FBXL7: variants seen among roughly 807,000 people sequenced by gnomAD.
FBXL7 encodes F-box/LRR-repeat protein 7.
In FBXL7, 12 loss-of-function variants were observed where a neutral mutation model predicts 38.3. The observed-to-expected ratio is 0.31, with a 90% CI of 0.20 to 0.51. The LOEUF (loss-of-function observed/expected upper bound fraction) is 0.51. FBXL7 is among the 20% of genes least tolerant of loss of function. The pLI, the probability that FBXL7 is intolerant of heterozygous loss-of-function variation, is 0.98. For missense variants in FBXL7, 567 were observed against 676.4 expected (o/e 0.84, Z 1.79); for synonymous variants, 297 against 300.9 (o/e 0.99, Z 0.13).
intron 2 of FBXL7, among the ~76,000 whole-genome samples, chr5:15,814,524 A>G (rs1737959887): frequency 6.6e-6 from 1 of 152,004 alleles, no homozygotes; most frequent in African/African-American, 2.4e-5. Flanking sequence ...ATGTATACCT[A>G]TGTAATCTGC....
intron 2 of FBXL7, among the ~76,000 whole-genome samples, chr5:15,828,182 C>T (rs776175376): frequency 1.3e-5 from 2 of 152,118 alleles, no homozygotes; most frequent in Non-Finnish European, 2.9e-5. Flanking sequence ...GAATTAAAAA[C>T]ACATCAAACA....
chr5:15,610,469 TC>T (rs1389807513), intron 1 of FBXL7, among the ~76,000 whole-genome samples: 1 of 152,206 alleles, frequency 6.6e-6, no homozygotes, highest in Non-Finnish European at 1.5e-5. Flanking sequence ...TGTAGGCAGT[TC>T]CTTCCTGAGA....
intron 2 of FBXL7, among the ~76,000 whole-genome samples, chr5:15,848,781 C>T (rs528520319): frequency 4.8e-4 from 73 of 152,242 alleles, no homozygotes; most frequent in African/African-American, 1.6e-3. Context: ...TGGCTGAGAG[C>T]CCAAAATTTA....
intron 2 of FBXL7, among the ~76,000 whole-genome samples, chr5:15,906,522 T>C (rs1031485555): frequency 3.3e-5 from 5 of 149,560 alleles, no homozygotes; most frequent in Admixed American, 1.3e-4. Context: ...AATTTTTTTT[T>C]TTTTTTATTA....
chr5:15,706,154 C>T (rs1276939970), intron 2 of FBXL7, among the ~76,000 whole-genome samples: 2 of 152,144 alleles, frequency 1.3e-5, no homozygotes, highest in South Asian at 2.1e-4. Context: ...CTAAATCTTA[C>T]GTTGAATAGT....
intron 2 of FBXL7, among the ~76,000 whole-genome samples, chr5:15,683,693 T>G (rs1380833158): frequency 6.6e-6 from 1 of 152,138 alleles, no homozygotes; most frequent in Non-Finnish European, 1.5e-5. Context: ...GGCCCGGACC[T>G]TAAGAGAGCT....
chr5:15,741,294 A>G (rs1030682314), intron 2 of FBXL7, among the ~76,000 whole-genome samples: 7 of 152,192 alleles, frequency 4.6e-5, no homozygotes, highest in Non-Finnish European at 8.8e-5. Flanking sequence ...AAATATTTCT[A>G]ATTTTAGTAA....
intron 2 of FBXL7, among the ~76,000 whole-genome samples, chr5:15,640,730 G>C (rs1010537845): frequency 1.3e-5 from 2 of 152,084 alleles, no homozygotes; most frequent in African/African-American, 2.4e-5. Context: ...CACCCTTTTG[G>C]CCAGGCTGTT....
intron 3 of FBXL7, among the ~76,000 whole-genome samples, chr5:15,929,389 C>T (rs1440677218): frequency 1.3e-5 from 2 of 152,198 alleles, no homozygotes; most frequent in South Asian, 4.1e-4. Context: ...GAGGCTGAGG[C>T]ATGAGGATTA....
At chr5:15,590,004 C>T (rs1202084484) in intron 1 of FBXL7, among the ~76,000 whole-genome samples, 1 of 152,202 alleles carries the variant, frequency 6.6e-6, no homozygotes, top group Admixed American at 6.5e-5. Flanking sequence ...TTCACCATCC[C>T]ATGTTCCTAC....
chr5:15,580,935 C>G lies in FBXL7; in HGVS notation c.38-35048C>G. ...ACTCTTAGCTAGCCGGGTGACCCAG[C>G]AGAGGCCTCTCTCTAGATCCAGGGA... On this transcript the variant is annotated intron_variant, in intron 1 of 3. Coordinates refer to ENST00000504595, the MANE Select transcript of FBXL7 (RefSeq NM_012304.5). The G allele has an allele frequency of 9.0e-6, 4 of 443,278 alleles. No homozygotes were observed. In the South Asian group the frequency reaches 2.8e-4, roughly 31 times the overall value. 27.5% of individuals were successfully genotyped at this position (443,278 alleles called of 1,614,324 possible).
intron 2 of FBXL7, among the ~76,000 whole-genome samples, chr5:15,899,538 G>T (rs1741184650): frequency 6.6e-6 from 1 of 152,046 alleles, no homozygotes; most frequent in African/African-American, 2.4e-5. Context: ...ATAAGCTTTG[G>T]TCTGAATGAC....
At chr5:15,770,111 CGGAG>C (rs1325841282) in intron 2 of FBXL7, among the ~76,000 whole-genome samples, 5 of 152,066 alleles carry the variant, frequency 3.3e-5, no homozygotes, top group Admixed American at 2.0e-4. Flanking sequence ...TGTTGATTGA[CGGAG>C]GGAGGAAGAA....
At chr5:15,648,202 C>T (rs1741595416) in intron 2 of FBXL7, among the ~76,000 whole-genome samples, 2 of 152,220 alleles carry the variant, frequency 1.3e-5, no homozygotes, top group Admixed American at 1.3e-4. Context: ...ATATTGAACT[C>T]ATTGAAGAAT....
At chr5:15,679,535 TAGC>T (rs948090367) in intron 2 of FBXL7, among the ~76,000 whole-genome samples, 1 of 149,852 alleles carries the variant, frequency 6.7e-6, no homozygotes, top group Non-Finnish European at 1.5e-5. Context: ...TGGGGACTAT[TAGC>T]AGCCATAATA....
chr5:15,778,732 G>A (rs1736920337), intron 2 of FBXL7, among the ~76,000 whole-genome samples: 2 of 152,004 alleles, frequency 1.3e-5, no homozygotes, highest in South Asian at 2.1e-4. Flanking sequence ...TAGAACACAG[G>A]TAGTTGCCGA....
intron 2 of FBXL7, among the ~76,000 whole-genome samples, chr5:15,830,144 G>T (rs1169017943): frequency 6.6e-6 from 1 of 152,024 alleles, no homozygotes; most frequent in South Asian, 2.1e-4. Flanking sequence ...CCCCAAACCT[G>T]GGTCCTTCCA....
intron 2 of FBXL7, among the ~76,000 whole-genome samples, chr5:15,821,205 C>G (rs970752373): frequency 6.6e-6 from 1 of 152,162 alleles, no homozygotes; most frequent in African/African-American, 2.4e-5. Flanking sequence ...TTTACTTATA[C>G]TACCTTTTCA....
Position 15,856,773 on chromosome 5 carries a change from G to GAT in FBXL7, c.128-71113_128-71112dup, listed in dbSNP as rs1161382540. Among the ~76,000 whole-genome samples the GAT allele has an allele frequency of 2.0e-5, 3 of 151,026 alleles. No homozygotes were observed. The East Asian group carries it at 5.8e-4, about 29-fold the overall frequency. The stretch of plus-strand genomic sequence containing the variant: ...TTCTTTCTTTTCAAAATGTGACCAT[G>GAT]ATATACATACTTGTGTTTTTCCACT... On this transcript the variant is annotated intron_variant, in intron 2 of 3. Coordinates refer to ENST00000504595, the MANE Select transcript of FBXL7 (RefSeq NM_012304.5).
Sources: allele counts gnomAD v4.1 joint callset (sites outside exome capture counted in the v4.1 genomes callset), GRCh38; gene constraint gnomAD v4.1.1; transcripts MANE v1.5; gene names NCBI Gene and HGNC (gene_info 2026-07-23, HGNC 2026-07-21).